STK39: variants seen among roughly 807,000 people sequenced by gnomAD.
STK39 encodes STE20/SPS1-related proline-alanine-rich protein kinase.
Under a neutral mutation model 77.8 loss-of-function variants are expected in STK39, and 20 were observed. The observed-to-expected ratio is 0.26, with a 90% CI of 0.18 to 0.37. The LOEUF (loss-of-function observed/expected upper bound fraction) is 0.37. STK39 is among the 10% of genes least tolerant of loss of function. The pLI, the probability that STK39 is intolerant of heterozygous loss-of-function variation, is 1.00. For synonymous variants in STK39, 246 were observed against 234.1 expected, an observed-to-expected ratio of 1.05 and a Z score of -0.47; for missense variants, 479 against 656.5, an observed-to-expected ratio of 0.73 and a Z score of 2.95.
chr2:168,064,455 G>C (rs1405748575), intron 13 of STK39, among the ~76,000 whole-genome samples: 8 of 152,170 alleles, frequency 5.3e-5, no homozygotes, highest in African/African-American at 1.7e-4. Context: ...TGACTATGGG[G>C]GAGCCACTTC....
intron 14 of STK39, among the ~76,000 whole-genome samples, chr2:168,036,456 C>T (rs930250007): frequency 1.3e-5 from 2 of 152,172 alleles, no homozygotes; most frequent in South Asian, 4.1e-4. Context: ...TTCATTCTGG[C>T]TCTAGGGATG....
intron 16 of STK39, among the ~76,000 whole-genome samples, chr2:168,012,143 G>C (rs945709906): frequency 6.6e-6 from 1 of 151,696 alleles, no homozygotes; most frequent in Admixed American, 6.6e-5. Context: ...AGATATATGA[G>C]ACAGGATTAC....
rs1188785235 is a variant in STK39, at chr2:168,181,891, A to AT, written c.321+86dup. 9 of 1,147,792 alleles carry AT rather than the reference A, an allele frequency of 7.8e-6. No homozygotes were observed. In the Admixed American group the frequency reaches 1.7e-4, roughly 21 times the overall value. The allele number at this position is 1,147,792 out of a possible 1,614,324, so 71.1% of individuals were successfully genotyped here. On this transcript the variant is annotated intron_variant, in intron 2 of 17. Transcript: ENST00000355999. ...AGAAATGCATATGTCAAAACTGGAG[A>AT]TAACACCTTGCTCTTCTCCCAACCA... is the stretch of plus-strand genomic sequence containing the variant.
At chr2:168,231,053 C>G (rs1237926826) in intron 1 of STK39, among the ~76,000 whole-genome samples, 1 of 152,212 alleles carries the variant, frequency 6.6e-6, no homozygotes, top group Non-Finnish European at 1.5e-5. Context: ...CAACAGCTCA[C>G]TGTAATCTCC....
chr2:168,074,846 G>A, intron 12 of STK39, 136 bp downstream of exon 12: 2 of 973,072 alleles, frequency 2.1e-6, no homozygotes, highest in East Asian at 5.2e-5. Flanking sequence ...AGAATTAGGA[G>A]CTGCAAAGTC....
chr2:168,001,095 A>G (rs1683987952), intron 16 of STK39, among the ~76,000 whole-genome samples: 1 of 152,168 alleles, frequency 6.6e-6, no homozygotes, highest in Non-Finnish European at 1.5e-5. Context: ...ATCTGGTTCT[A>G]TAGCTCAGCA....
chr2:168,046,750 TGTG>T (rs2105360356), intron 14 of STK39, among the ~76,000 whole-genome samples: 1 of 152,310 alleles, frequency 6.6e-6, no homozygotes, highest in Admixed American at 6.5e-5. Flanking sequence ...AAAGGGTAAC[TGTG>T]TTCCCTCCTC....
intron 1 of STK39, among the ~76,000 whole-genome samples, chr2:168,243,731 G>A (rs1690830523): frequency 6.6e-6 from 1 of 152,166 alleles, no homozygotes. Context: ...CATTGAGGCT[G>A]CTCCATTCCA....
intron 14 of STK39, among the ~76,000 whole-genome samples, chr2:168,059,857 A>G (rs1685617010): frequency 6.6e-6 from 1 of 152,142 alleles, no homozygotes; most frequent in Admixed American, 6.5e-5. Context: ...TATATCATAC[A>G]ACCAATTTGA....
At chr2:168,243,320 A>G (rs1383792320) in intron 1 of STK39, among the ~76,000 whole-genome samples, 1 of 152,236 alleles carries the variant, frequency 6.6e-6, no homozygotes, top group African/African-American at 2.4e-5. Flanking sequence ...AGACCTGGCC[A>G]TATGTGCTAT....
chr2:168,123,638 G>C (rs1432996023), intron 10 of STK39, among the ~76,000 whole-genome samples: 1 of 152,072 alleles, frequency 6.6e-6, no homozygotes. Context: ...TAGAGGCCCA[G>C]GTCAGAGGAT....
chr2:168,057,042 G>A (rs1325696245), intron 14 of STK39, among the ~76,000 whole-genome samples: 1 of 152,162 alleles, frequency 6.6e-6, no homozygotes, highest in Admixed American at 6.5e-5. Context: ...AGGGGTGCTG[G>A]GGTGAGAGAA....
rs865825535 is a variant in STK39, at chr2:168,099,605, A to G, written c.1090-24374T>C. 5.9e-5 allele frequency among the ~76,000 whole-genome samples: 9 copies of G among 152,240 alleles called. No homozygotes were observed. In the South Asian group the frequency reaches 1.4e-3, roughly 24 times the overall value. On this transcript the variant is annotated intron_variant, in intron 10 of 17. Coordinates refer to ENST00000355999, the MANE Select transcript of STK39 (RefSeq NM_013233.3). ...ACTTTTGACAATGTAAGTTAAACATACATGTTTTTCAGGTTGTGACAATTC... is the reference window on the plus strand; with the variant it reads ...ACTTTTGACAATGTAAGTTAAACATGCATGTTTTTCAGGTTGTGACAATTC...
rs1408888206 is a variant in STK39 at position 168,039,465 on chromosome 2, G to A, written c.1377-22370C>T. On this transcript the variant is annotated intron_variant, in intron 14 of 17. Transcript: ENST00000355999. The stretch of plus-strand genomic sequence containing the variant: ...AAATTAGCCGGGCGCGGTGGCGGGC[G>A]CCTGTAGTCCCAGCTACTCGGGAGG... 5.3e-4 allele frequency among the ~76,000 whole-genome samples: 38 copies of A among 72,358 alleles called. 15 individuals are homozygous for A. Among genetic ancestry groups the A allele is most frequent in the South Asian group, 1.4e-3 (4 of 2,800 alleles). The allele number at this position is 72,358 out of a possible 152,430, so 47.5% of individuals were successfully genotyped here. A position where few individuals can be genotyped will look rare whatever the true frequency, so the allele number is the denominator to read the frequency against.
At chr2:168,171,959 T>C (rs1163469020) in intron 2 of STK39, among the ~76,000 whole-genome samples, 1 of 146,498 alleles carries the variant, frequency 6.8e-6, no homozygotes, top group Non-Finnish European at 1.5e-5. Flanking sequence ...GATCTACTAC[T>C]GAAGGGCCGC....
At chr2:168,231,843 T>C (rs1559157867) in intron 1 of STK39, 1 of 227,172 alleles carries the variant, frequency 4.4e-6, no homozygotes, top group East Asian at 1.1e-4. Flanking sequence ...CTCCGCTCCC[T>C]CTCTGCTGGT....
chr2:168,108,492 G>C (rs919895577), intron 10 of STK39, among the ~76,000 whole-genome samples: 1 of 151,966 alleles, frequency 6.6e-6, no homozygotes, highest in Admixed American at 6.5e-5. Flanking sequence ...AGAGTGCAGT[G>C]AGCCATGACT....
chr2:168,174,330 A>T (rs1031671711), intron 2 of STK39, among the ~76,000 whole-genome samples: 5 of 152,170 alleles, frequency 3.3e-5, no homozygotes, highest in Non-Finnish European at 5.9e-5. Context: ...GAACAGAATG[A>T]ATATCCCAAG....
At position 168,065,433 on chromosome 2, in the gene STK39, G is replaced by T. The variant is rs190620464; in HGVS notation, c.1243-52C>A. Reference sequence around the variant, plus strand: ...TTCAAGAAAGCCAAAGGGAGACACGGTGAGTGTGGTTACATTAAGTCCCAA... The same window carrying T: ...TTCAAGAAAGCCAAAGGGAGACACGTTGAGTGTGGTTACATTAAGTCCCAA... On this transcript the variant is annotated intron_variant, in intron 12 of 17. Transcript: ENST00000355999. The T allele has an allele frequency of 7.0e-6, 11 of 1,566,338 alleles. No homozygotes were observed. In the Admixed American group the frequency reaches 1.0e-4, roughly 14 times the overall value.
Sources: allele counts gnomAD v4.1 joint callset (sites outside exome capture counted in the v4.1 genomes callset), GRCh38; gene constraint gnomAD v4.1.1; transcripts MANE v1.5; gene names NCBI Gene and HGNC (gene_info 2026-07-23, HGNC 2026-07-21).